Variants in VPS13B observed in about 807,000 individuals in gnomAD.
VPS13B encodes the protein vacuolar protein sorting 13 homolog B, also known as intermembrane lipid transfer protein VPS13B.
A neutral mutation model predicts 426.4 loss-of-function variants in VPS13B; 285 were observed. The ratio of observed to expected loss-of-function variants is 0.67; its 90% CI spans 0.61 to 0.74. The LOEUF is 0.74. VPS13B is among the 30% of genes least tolerant of loss of function. The pLI is 0.00. For synonymous variants in VPS13B, 1,676 were observed against 1,676.4 expected, an observed-to-expected ratio of 1.00 and a Z score of 0.01; for missense variants, 4,537 against 4,782.6, an observed-to-expected ratio of 0.95 and a Z score of 1.51.
chr8:99,532,671 G>T (rs1252663612), intron 30 of VPS13B, among the ~76,000 whole-genome samples: 1 of 151,896 alleles, frequency 6.6e-6, no homozygotes, highest in Non-Finnish European at 1.5e-5. Flanking sequence ...GCCACAGGAA[G>T]AGTGTGAAAA....
At chr8:99,543,827 G>A (rs941431910) in intron 30 of VPS13B, among the ~76,000 whole-genome samples, 2 of 150,908 alleles carry the variant, frequency 1.3e-5, no homozygotes, top group Non-Finnish European at 3.0e-5. Flanking sequence ...GTGCTGGAGA[G>A]GATGTGGAGA....
rs1179666203 is a variant in VPS13B at position 99,875,730 on chromosome 8, T to C, written c.*64T>C. ...GTTTTTGGGTTTCTTTGAGACAGGG[T>C]CTCACTGCATTGCCCTTGCTGACCT... On this transcript the variant is annotated 3_prime_UTR_variant, in exon 62 of 62. Transcript: ENST00000357162. 3.1e-6 allele frequency: 5 copies of C among 1,605,564 alleles called. No homozygotes were observed. The East Asian group carries it at 8.9e-5, about 29-fold the overall frequency.
chr8:99,470,402 A>G (rs1296960377), intron 24 of VPS13B, among the ~76,000 whole-genome samples: 9 of 152,164 alleles, frequency 5.9e-5, no homozygotes, highest in Admixed American at 5.9e-4. Context: ...GTGCAAAGGA[A>G]AGCATACTAA....
chr8:99,663,189 C>A (rs777500810), intron 35 of VPS13B, among the ~76,000 whole-genome samples: 1 of 152,132 alleles, frequency 6.6e-6, no homozygotes, highest in Non-Finnish European at 1.5e-5. Context: ...TGTGTTGTGG[C>A]GTGCTAGTGT....
In VPS13B at chr8:99,717,240, G is replaced by A. The variant is rs543464415; in HGVS notation, c.6524G>A (p.Arg2175Lys). The A allele has an allele frequency of 6.2e-7, 1 of 1,613,870 alleles. No homozygotes were observed. The highest frequency in any genetic ancestry group is 2.2e-5 in the East Asian group (1 of 44,860). ...DFLLKTSLKE[R>K]SRILIGPCCA... ...CTCCTTAAAACAAGTCTCAAAGAAA[G>A]AAGCCGCATTCTGATAGGACCATGT... is the stretch of plus-strand genomic sequence containing the variant. Residue 2175 changes from arginine to lysine, a missense_variant, in exon 37 of 62, where the codon AGA becomes AAA. Physicochemically the swap from Arg to Lys is conservative, Grantham distance 26. Around this residue, in one of 2 missense-constraint regions of VPS13B, gnomAD observed 4,311 missense variants for 4,474.3 expected, o/e 0.96. Transcript: ENST00000357162.
intron 14 of VPS13B, among the ~76,000 whole-genome samples, chr8:99,155,351 A>T (rs1811303278): frequency 6.6e-6 from 1 of 152,166 alleles, no homozygotes; most frequent in Non-Finnish European, 1.5e-5. Flanking sequence ...GATTTCATTT[A>T]TATGAAGTTC....
At chr8:99,543,630 A>G (rs1427046652) in intron 30 of VPS13B, among the ~76,000 whole-genome samples, 1 of 150,812 alleles carries the variant, frequency 6.6e-6, no homozygotes, top group Non-Finnish European at 1.5e-5. Context: ...AAAACAAACA[A>G]CCCCATCAAA....
intron 36 of VPS13B, among the ~76,000 whole-genome samples, chr8:99,715,415 G>C (rs1832871494): frequency 6.6e-6 from 1 of 152,130 alleles, no homozygotes; most frequent in Non-Finnish European, 1.5e-5. Context: ...TATTATTCAG[G>C]TATCTCTTCT....
chr8:99,656,520 C>G (rs1450332955), intron 34 of VPS13B, among the ~76,000 whole-genome samples: 3 of 152,136 alleles, frequency 2.0e-5, no homozygotes, highest in East Asian at 3.9e-4. Context: ...GGTACATTCC[C>G]CAGTGTGTTG....
intron 15 of VPS13B, among the ~76,000 whole-genome samples, chr8:99,164,180 A>G (rs910964961): frequency 6.6e-6 from 1 of 152,148 alleles, no homozygotes; most frequent in African/African-American, 2.4e-5. Context: ...TTGTAAGACC[A>G]TCTGTTGCTT....
intron 25 of VPS13B, 107 bp downstream of exon 25, chr8:99,481,909 G>A: frequency 1.5e-6 from 2 of 1,307,194 alleles, no homozygotes; most frequent in South Asian, 1.3e-5. Context: ...AAAACTGATA[G>A]ATTCTGAAGG....
At chr8:99,637,858 G>A (rs1239203218) in intron 33 of VPS13B, among the ~76,000 whole-genome samples, 1 of 152,102 alleles carries the variant, frequency 6.6e-6, no homozygotes, top group Non-Finnish European at 1.5e-5. Context: ...CTGAGTCAAA[G>A]AATGAAAATA....
chr8:99,818,530 G>T lies in VPS13B; in HGVS notation c.8441G>T (p.Arg2814Leu), dbSNP rs148333124. 1 of 1,613,942 alleles carries T rather than the reference G, an allele frequency of 6.2e-7. No homozygotes were observed. Among genetic ancestry groups the T allele is most frequent in the Admixed American group, 1.7e-5 (1 of 60,014 alleles). Residue 2814 changes from arginine (R) to leucine (L), a missense_variant, in exon 46 of 62, where the codon CGA becomes CTA. Arg to Leu is a moderately radical substitution (Grantham distance 102). Coordinates refer to ENST00000357162, the MANE Select transcript of VPS13B (RefSeq NM_152564.5). ...TLEPNSQVQQ[R>L]MIVFSPLFIM... ...GAACCCAACTCTCAAGTGCAACAAC[G>T]AATGGTGAGTGCTTTCCCAATCCTA...
chr8:99,102,529 A>G (rs1293087116), intron 4 of VPS13B, among the ~76,000 whole-genome samples: 2 of 152,198 alleles, frequency 1.3e-5, no homozygotes, highest in Non-Finnish European at 2.9e-5. Context: ...AAGAGGCTTA[A>G]GCTTAAAGAA....
At position 99,455,597 on chromosome 8, in the gene VPS13B, A is replaced by G. The variant is rs1426493781; in HGVS notation, c.3446-11817A>G. On this transcript the variant is annotated intron_variant, in intron 23 of 61. Transcript: ENST00000357162. ...GTTTTAGAACATTTCCATTATCCCA[A>G]AAGTTTTCTTGTGTCCATTTGTAGT... Among the ~76,000 whole-genome samples, 10 of 152,126 alleles carry G rather than the reference A, an allele frequency of 6.6e-5. No individual in the cohort carries two copies. In the East Asian group the frequency reaches 1.7e-3, roughly 26 times the overall value.
intron 17 of VPS13B, among the ~76,000 whole-genome samples, chr8:99,235,779 G>A (rs934362206): frequency 3.9e-5 from 6 of 152,086 alleles, no homozygotes; most frequent in South Asian, 4.1e-4. Context: ...GTGTTATTTC[G>A]TTTTCCCTCA....
At chr8:99,613,531 A>G (rs983643622) in intron 33 of VPS13B, among the ~76,000 whole-genome samples, 1 of 152,160 alleles carries the variant, frequency 6.6e-6, no homozygotes, top group Non-Finnish European at 1.5e-5. Context: ...AGATAGCACG[A>G]TTTCTTTTAT....
intron 19 of VPS13B, among the ~76,000 whole-genome samples, chr8:99,307,456 C>G (rs986900267): frequency 2.0e-5 from 3 of 151,984 alleles, no homozygotes; most frequent in African/African-American, 7.2e-5. Context: ...AAAGATGCTT[C>G]CAGTTTATGA....
intron 17 of VPS13B, among the ~76,000 whole-genome samples, chr8:99,238,923 C>G (rs761023786): frequency 2.2e-4 from 34 of 152,176 alleles, no homozygotes; most frequent in Non-Finnish European, 4.1e-4. Flanking sequence ...TTTTTCCCCT[C>G]TCCAAAAATC....
Sources: allele counts gnomAD v4.1 joint callset (sites outside exome capture counted in the v4.1 genomes callset), GRCh38; gene constraint gnomAD v4.1.1; regional missense constraint gnomAD v4.1.1; transcripts MANE v1.5; gene names NCBI Gene and HGNC (gene_info 2026-07-23, HGNC 2026-07-21).